ANKRD35: variants seen among roughly 807,000 people sequenced by gnomAD.
ANKRD35 encodes ankyrin repeat domain-containing protein 35.
ANKRD35 carries 102 observed loss-of-function variants against 109.9 expected under a neutral mutation model. The observed-to-expected ratio is 0.93, with a 90% confidence interval of 0.79 to 1.09. The LOEUF is 1.09. Among genes scored for constraint, ANKRD35 ranks in the 50% least tolerant of loss-of-function variants. The pLI is 0.00. For missense variants in ANKRD35, 1,240 were observed against 1,230.1 expected (o/e 1.01, Z -0.12); for synonymous variants, 515 against 512.4 (o/e 1.01, Z -0.07).
chr1:145,868,224 C>T, intron 11 of ANKRD35, 87 bp downstream of exon 11: 3 of 1,515,600 alleles, frequency 2.0e-6, no homozygotes, highest in Non-Finnish European at 2.7e-6. Flanking sequence ...ATGTCTCCCT[C>T]AGTAATTCCT....
At chr1:145,870,708 T>TTA (rs34922005) in intron 10 of ANKRD35, among the ~76,000 whole-genome samples, 9,736 of 151,562 alleles carry the variant, frequency 0.064, 1,029 homozygotes, top group African/African-American at 0.22. Flanking sequence ...ATACATTCTT[T>TTA]TATATATATA....
At chr1:145,877,719 C>T (rs1654133845) in intron 4 of ANKRD35, among the ~76,000 whole-genome samples, 1 of 152,176 alleles carries the variant, frequency 6.6e-6, no homozygotes. Flanking sequence ...TCTGCAGTGG[C>T]TCTGCTAATG....
chr1:145,869,241 G>A (rs1653719783), intron 10 of ANKRD35, among the ~76,000 whole-genome samples: 1 of 152,178 alleles, frequency 6.6e-6, no homozygotes, highest in South Asian at 2.1e-4. Flanking sequence ...CTAGAGTGCA[G>A]TGACACCATC....
chr1:145,882,015 C>T (rs1553741196), intron 1 of ANKRD35, among the ~76,000 whole-genome samples: 2 of 130,346 alleles, frequency 1.5e-5, no homozygotes, highest in Admixed American at 9.1e-5. Flanking sequence ...AGTGCAGTGG[C>T]GTGGTCTCGG....
chr1:145,884,559 A>G (rs782107583), intron 1 of ANKRD35, among the ~76,000 whole-genome samples: 6 of 152,172 alleles, frequency 3.9e-5, no homozygotes, highest in Non-Finnish European at 7.4e-5. Flanking sequence ...CCATTTCCAA[A>G]TAAGGGGGCT....
intron 8 of ANKRD35, among the ~76,000 whole-genome samples, chr1:145,874,519 G>A (rs1232062915): frequency 4.6e-5 from 7 of 152,198 alleles, no homozygotes; most frequent in Non-Finnish European, 1.0e-4. Flanking sequence ...TTACAATCTG[G>A]TAGAGGAAAG....
At position 145,867,399 on chromosome 1, in the gene ANKRD35, A is replaced by G. The variant is rs1653645908; in HGVS notation, c.2944-7T>C. On this transcript the variant is annotated splice_polypyrimidine_tract_variant and splice_region_variant and intron_variant, in intron 12 of 13. Coordinates refer to ENST00000355594, the MANE Select transcript of ANKRD35 (RefSeq NM_144698.5). ...CTTCATGTTCCATGTAACCCTGTAG[A>G]TGTCAGGAAAGGAAGAAAAGGAGAT... 6.2e-7 allele frequency: 1 copy of G among 1,613,306 alleles called. No homozygotes were observed. Among genetic ancestry groups the G allele is most frequent in the African/African-American group, 1.3e-5 (1 of 74,884 alleles).
intron 9 of ANKRD35, 46 bp downstream of exon 9, chr1:145,874,109 C>T (rs782520010): frequency 6.2e-7 from 1 of 1,612,816 alleles, no homozygotes; most frequent in South Asian, 1.1e-5. Context: ...AGTGGGATAG[C>T]CTGGGGTGTG....
chr1:145,877,527 G>A (rs1553740357), intron 4 of ANKRD35, among the ~76,000 whole-genome samples: 3 of 152,238 alleles, frequency 2.0e-5, no homozygotes, highest in South Asian at 2.1e-4. Flanking sequence ...CACCGCACCC[G>A]GCCAGTAACT....
At chr1:145,878,838 T>C (rs1249392617) in intron 2 of ANKRD35, among the ~76,000 whole-genome samples, 2 of 152,178 alleles carry the variant, frequency 1.3e-5, no homozygotes, top group African/African-American at 4.8e-5. Context: ...TCGAAGGCTT[T>C]GGGTAGAGAC....
At chr1:145,884,961 A>T (rs1344964771) in intron 1 of ANKRD35, among the ~76,000 whole-genome samples, 1 of 152,178 alleles carries the variant, frequency 6.6e-6, no homozygotes. Context: ...AGTGCCTGTG[A>T]GGCTGACCAG....
intron 1 of ANKRD35, among the ~76,000 whole-genome samples, chr1:145,883,324 A>T (rs975540207): frequency 2.6e-5 from 4 of 152,042 alleles, no homozygotes; most frequent in Non-Finnish European, 5.9e-5. Context: ...ACCTCAGGTG[A>T]TCCACCCGCT....
chr1:145,873,597 G>A lies in ANKRD35; in HGVS notation c.1172C>T (p.Ala391Val), dbSNP rs782577066. The A allele has an allele frequency of 6.2e-7, 1 of 1,614,006 alleles. No individual in the cohort carries two copies. Among genetic ancestry groups the A allele is most frequent in the Non-Finnish European group, 8.5e-7 (1 of 1,179,994 alleles). Reference sequence around the variant, plus strand: ...TAATACTGGATTTACTGTGGCTGCTGCCTGCTGCTGCTTCTTTAGCTCTTG... The same window carrying A: ...TAATACTGGATTTACTGTGGCTGCTACCTGCTGCTGCTTCTTTAGCTCTTG... The part of the protein sequence containing the change: ...STQELKKQQQ[A>V]AATVNPVLAP... The change falls in exon 10 of 14, where the codon GCA (alanine) becomes GTA (valine). Residue 391 changes from alanine to valine, a missense_variant. Transcript: ENST00000355594.
intron 2 of ANKRD35, among the ~76,000 whole-genome samples, 194 bp downstream of exon 2, chr1:145,879,064 G>T (rs587730706): frequency 6.6e-6 from 1 of 152,282 alleles, no homozygotes; most frequent in South Asian, 2.1e-4. Context: ...AATGGATGGA[G>T]CTCAGGAACA....
chr1:145,874,812 G>A lies in ANKRD35; in HGVS notation c.745+10C>T, dbSNP rs781804548. The A allele has an allele frequency of 2.4e-5, 38 of 1,567,674 alleles. No individual in the cohort carries two copies. The South Asian group carries it at 4.5e-4, about 19-fold the overall frequency. ...CTTAGAGAACGTGGAAGTTACACAA[G>A]GGCCTTTACCGCCCCGCCGCCGCCG... On this transcript the variant is annotated intron_variant, in intron 8 of 13. Coordinates refer to ENST00000355594, the MANE Select transcript of ANKRD35 (RefSeq NM_144698.5).
At chr1:145,877,218 C>T (rs946349549) in intron 4 of ANKRD35, among the ~76,000 whole-genome samples, 4 of 150,534 alleles carry the variant, frequency 2.7e-5, no homozygotes, top group South Asian at 2.1e-4. Flanking sequence ...GCCTGATGGC[C>T]GGTTAAGATA....
chr1:145,878,112 G>A (rs1457914341), intron 3 of ANKRD35, 80 bp from the exon 4 acceptor site: 29 of 1,309,204 alleles, frequency 2.2e-5, no homozygotes, highest in Middle Eastern at 2.2e-4. Flanking sequence ...GGCAAGAGAC[G>A]CACAGATAAT....
rs1654146541 is a variant in ANKRD35, at chr1:145,878,034, T to C, written c.260-2A>G. On this transcript the variant is annotated splice_acceptor_variant, in intron 3 of 13. Coordinates refer to ENST00000355594, the MANE Select transcript of ANKRD35 (RefSeq NM_144698.5). LOFTEE classifies it high-confidence loss of function. ...TGGCCAAGTGTAGGGCAGTGCTTCC[T>C]GGAACAGAAAGAAGGGGAGAAGGAG... 5 of 1,613,650 alleles carry C rather than the reference T, an allele frequency of 3.1e-6. No individual in the cohort carries two copies. Among genetic ancestry groups the C allele is most frequent in the African/African-American group, 1.3e-5 (1 of 74,866 alleles).
chr1:145,876,478 G>T, intron 6 of ANKRD35, 91 bp downstream of exon 6: 6 of 1,466,246 alleles, frequency 4.1e-6, no homozygotes, highest in Non-Finnish European at 5.7e-6. Context: ...TGCTAACACA[G>T]CCCTAGGTCG....
Sources: gnomAD v4.1 joint callset for allele counts (sites outside exome capture counted in the v4.1 genomes callset) on GRCh38, gnomAD v4.1.1 for gene constraint, MANE v1.5 for transcripts, NCBI Gene and HGNC (gene_info 2026-07-23, HGNC 2026-07-21) for gene names.